ATG7: variants seen among roughly 807,000 people sequenced by gnomAD.
ATG7 encodes autophagy related 7.
ATG7 carries 70 observed loss-of-function variants against 82.4 expected under a neutral mutation model. The ratio of observed to expected loss-of-function variants is 0.85; its 90% confidence interval spans 0.70 to 1.04. ATG7 has a LOEUF of 1.04. ATG7 is among the 50% of genes least tolerant of loss of function. The probability of loss-of-function intolerance (pLI) is 0.00; values close to 1 mark genes in which losing one functional copy is unlikely to be tolerated. For synonymous variants in ATG7, 287 were observed against 313.0 expected, an observed-to-expected ratio of 0.92 and a Z score of 0.88; for missense variants, 792 against 864.3, an observed-to-expected ratio of 0.92 and a Z score of 1.05.
intron 19 of ATG7, among the ~76,000 whole-genome samples, chr3:11,420,141 G>A (rs1280294479): frequency 2.6e-5 from 4 of 152,124 alleles, no homozygotes; most frequent in Admixed American, 2.6e-4. Flanking sequence ...AGAAGGCTAG[G>A]ATGTTTGGGG....
At chr3:11,311,535 G>C (rs1336472718) in intron 7 of ATG7, among the ~76,000 whole-genome samples, 1 of 151,602 alleles carries the variant, frequency 6.6e-6, no homozygotes, top group East Asian at 1.9e-4. Flanking sequence ...CTGGGAGGTG[G>C]AGGTTGCAGT....
chr3:11,535,861 T>G (rs1319394833), intron 20 of ATG7, among the ~76,000 whole-genome samples: 1 of 152,212 alleles, frequency 6.6e-6, no homozygotes, highest in East Asian at 1.9e-4. Context: ...ATATCAGTCC[T>G]TTTTAAAGAG....
chr3:11,566,075 A>G, the ATG7 span, among the ~76,000 whole-genome samples: 1 of 152,340 alleles, frequency 6.6e-6, no homozygotes, highest in East Asian at 1.9e-4. Flanking sequence ...TGTCTTAACT[A>G]GCAGAAAAGC....
chr3:11,384,242 A>G (rs1286785445), intron 19 of ATG7, among the ~76,000 whole-genome samples: 1 of 152,200 alleles, frequency 6.6e-6, no homozygotes, highest in African/African-American at 2.4e-5. Context: ...CTCTTGTTGC[A>G]CAATTCTATT....
At chr3:11,312,518 A>G (rs1046877884) in intron 7 of ATG7, among the ~76,000 whole-genome samples, 7 of 152,274 alleles carry the variant, frequency 4.6e-5, no homozygotes, top group Admixed American at 3.9e-4. Context: ...CCAGCTTACT[A>G]CTTAGAGCCT....
At chr3:11,291,399 C>A (rs1378066984) in intron 3 of ATG7, among the ~76,000 whole-genome samples, 2 of 152,170 alleles carry the variant, frequency 1.3e-5, no homozygotes, top group Non-Finnish European at 2.9e-5. Flanking sequence ...AAAGAAGTTT[C>A]TTCCTTCAAG....
At position 11,521,268 on chromosome 3, in the gene ATG7, G is replaced by A. The variant is rs556264000; in HGVS notation, c.2080-33543G>A. Among the ~76,000 whole-genome samples the A allele has an allele frequency of 2.0e-4, 31 of 152,260 alleles. No individual in the cohort carries two copies. In the South Asian group the frequency reaches 5.4e-3, roughly 26 times the overall value. On this transcript the variant is annotated intron_variant, in intron 20 of 20. Coordinates refer to ENST00000693202, the MANE Select transcript of ATG7 (RefSeq NM_001349232.2). ...AGGGGCCTAAGAACGCTGGCCATAC[G>A]TGCTAGATGCTGACAAAGACCAGGG...
chr3:11,428,359 C>T (rs2082556285), intron 20 of ATG7, among the ~76,000 whole-genome samples: 1 of 149,736 alleles, frequency 6.7e-6, no homozygotes, highest in African/African-American at 2.5e-5. Flanking sequence ...TGTAGAAATA[C>T]CAAAGTCAGA....
chr3:11,564,786 C>T, the ATG7 span: 9 of 1,539,556 alleles, frequency 5.8e-6, no homozygotes, highest in South Asian at 1.2e-5. Context: ...CCCTCCCAGA[C>T]AGAGGCCCAC....
At position 11,525,448 on chromosome 3, in the gene ATG7, A is replaced by ATT. The variant is rs11310291; in HGVS notation, c.2080-29343_2080-29342dup. Among the ~76,000 whole-genome samples, 232 of 121,110 alleles carry ATT rather than the reference A, an allele frequency of 1.9e-3. 3 individuals carry two copies. Among genetic ancestry groups the ATT allele is most frequent in the African/African-American group, 7.1e-3 (221 of 31,152 alleles). 79.5% of individuals were successfully genotyped at this position (121,110 alleles called of 152,430 possible). On this transcript the variant is annotated intron_variant, in intron 20 of 20. Coordinates refer to ENST00000693202, the MANE Select transcript of ATG7 (RefSeq NM_001349232.2). ...TAAGAGGTTCACAGTAAGACATGTG[A>ATT]TTTTTTTTTTTTTTTTTTTTTACTC...
At chr3:11,316,064 C>T (rs1170057718) in intron 9 of ATG7, among the ~76,000 whole-genome samples, 1 of 152,130 alleles carries the variant, frequency 6.6e-6, no homozygotes, top group African/African-American at 2.4e-5. Context: ...CGTTTTCCCT[C>T]CTGATGTATT....
At position 11,297,995 on chromosome 3, in the gene ATG7, C is replaced by T. The variant is rs540836069; in HGVS notation, c.-10-691C>T. 5.3e-5 allele frequency among the ~76,000 whole-genome samples: 8 copies of T among 152,108 alleles called. No individual in the cohort carries two copies. In the East Asian group the frequency reaches 9.7e-4, roughly 18 times the overall value. On this transcript the variant is annotated intron_variant, in intron 3 of 20. Coordinates refer to ENST00000693202, the MANE Select transcript of ATG7 (RefSeq NM_001349232.2). ...TTACTTAGAAAAATCACTGTGTCATCGGTGAAACCCTGTCTCTACCAAAAA... is the reference window on the plus strand; with the variant it reads ...TTACTTAGAAAAATCACTGTGTCATTGGTGAAACCCTGTCTCTACCAAAAA...
chr3:11,569,678 G>A, the ATG7 span, among the ~76,000 whole-genome samples: 152 of 152,326 alleles, frequency 1.0e-3, 1 homozygote, highest in African/African-American at 3.6e-3. Flanking sequence ...CGACATCTGA[G>A]AACTGGCAGG....
chr3:11,314,630 C>T (rs962220710), intron 8 of ATG7, among the ~76,000 whole-genome samples: 1 of 152,068 alleles, frequency 6.6e-6, no homozygotes, highest in Non-Finnish European at 1.5e-5. Flanking sequence ...GCATTATGTA[C>T]TTTAAATGGG....
At chr3:11,471,803 A>G (rs960300805) in intron 20 of ATG7, among the ~76,000 whole-genome samples, 2 of 128,584 alleles carry the variant, frequency 1.6e-5, no homozygotes, top group Admixed American at 1.9e-4. Context: ...GCAGTGGTAC[A>G]GTCTCAGCTC....
chr3:11,559,834 A>G (rs1169875838), downstream of ATG7, among the ~76,000 whole-genome samples: 1 of 152,118 alleles, frequency 6.6e-6, no homozygotes, highest in Non-Finnish European at 1.5e-5. Flanking sequence ...CCTTCCCATC[A>G]TGTCCACTGA....
chr3:11,459,463 C>T (rs1179057062), intron 20 of ATG7, among the ~76,000 whole-genome samples: 3 of 149,718 alleles, frequency 2.0e-5, no homozygotes, highest in African/African-American at 7.4e-5. Flanking sequence ...TAATTCTGGA[C>T]GTCTTTAGAA....
chr3:11,418,091 A>C (rs959301131), intron 19 of ATG7, among the ~76,000 whole-genome samples: 2 of 151,250 alleles, frequency 1.3e-5, no homozygotes, highest in African/African-American at 4.9e-5. Flanking sequence ...GATTACAGGC[A>C]TGAGCCACAG....
intron 3 of ATG7, among the ~76,000 whole-genome samples, chr3:11,290,971 T>G (rs1465290507): frequency 1.3e-5 from 2 of 152,156 alleles, no homozygotes; most frequent in Non-Finnish European, 2.9e-5. Context: ...CGTGAGTCAC[T>G]TCACCCGGCC....
Sources: allele counts gnomAD v4.1 joint callset (sites outside exome capture counted in the v4.1 genomes callset), GRCh38; gene constraint gnomAD v4.1.1; transcripts MANE v1.5; gene names NCBI Gene and HGNC (gene_info 2026-07-23, HGNC 2026-07-21).